The following TMIGD3 variants were observed in gnomAD, a reference collection of about 807,000 sequenced individuals.
TMIGD3 encodes the protein transmembrane and immunoglobulin domain containing 3.
In TMIGD3, 21 loss-of-function variants were observed where a neutral mutation model predicts 28.1. The ratio of observed to expected loss-of-function variants is 0.75; its 90% confidence interval spans 0.53 to 1.08. TMIGD3 has a LOEUF of 1.08. Among genes scored for constraint, TMIGD3 ranks in the 50% least tolerant of loss-of-function variants. The pLI is 0.00. For missense variants in TMIGD3, 416 were observed against 435.6 expected (o/e 0.96, Z 0.40); for synonymous variants, 151 against 162.1 (o/e 0.93, Z 0.52).
chr1:111,519,008 G>A (rs1449367766), intron 1 of TMIGD3, among the ~76,000 whole-genome samples: 1 of 152,126 alleles, frequency 6.6e-6, no homozygotes, highest in African/African-American at 2.4e-5. Flanking sequence ...CCGTGATCTT[G>A]ACTCACCGCA....
intron 1 of TMIGD3, among the ~76,000 whole-genome samples, chr1:111,527,267 C>A (rs1029125814): frequency 6.6e-6 from 1 of 152,104 alleles, no homozygotes; most frequent in Non-Finnish European, 1.5e-5. Flanking sequence ...CTGCCTTGGC[C>A]TCCCAAAGTG....
intron 1 of TMIGD3, among the ~76,000 whole-genome samples, chr1:111,548,241 A>C (rs961661304): frequency 1.7e-4 from 26 of 152,130 alleles, no homozygotes; most frequent in Admixed American, 1.0e-3. Context: ...GACTGGTCTC[A>C]AACTCCTGGC....
At chr1:111,542,461 G>A (rs1357916461) in intron 1 of TMIGD3, 6 of 197,458 alleles carry the variant, frequency 3.0e-5, no homozygotes, top group Non-Finnish European at 5.3e-5. Flanking sequence ...GTCGAGGGCC[G>A]TGTAGGAGTT....
At chr1:111,532,013 C>T (rs1409862509) in intron 1 of TMIGD3, among the ~76,000 whole-genome samples, 1 of 152,212 alleles carries the variant, frequency 6.6e-6, no homozygotes, top group Non-Finnish European at 1.5e-5. Context: ...ACCACTGAGA[C>T]AATACCTAAG....
chr1:111,535,422 C>T (rs1407421292), intron 1 of TMIGD3, among the ~76,000 whole-genome samples: 3 of 152,206 alleles, frequency 2.0e-5, no homozygotes, highest in African/African-American at 7.2e-5. Flanking sequence ...ATGCTGTAAG[C>T]AGCGGGCATG....
Position 111,537,270 on chromosome 1 carries a change from T to A in TMIGD3, c.107+26576A>T, listed in dbSNP as rs563960485. Among the ~76,000 whole-genome samples the A allele has an allele frequency of 2.6e-5, 4 of 152,352 alleles. No homozygotes were observed. In the South Asian group the frequency reaches 8.3e-4, roughly 32 times the overall value. ...ATTGCTGTATGCCTATTTGTTCACC[T>A]GGATTCTGAGCTTTCTGAACATAGG... On this transcript the variant is annotated intron_variant, in intron 1 of 5. Transcript: ENST00000369717.
At position 111,502,177 on chromosome 1, in the gene TMIGD3, TATATAGGATATATATATTATAATAA is replaced by T. The variant is rs1414903738; in HGVS notation, c.350+803_350+827del. On this transcript the variant is annotated intron_variant, in intron 1 of 5. Coordinates refer to ENST00000369716, the MANE Select transcript of TMIGD3 (RefSeq NM_020683.7). ...TAGGATATATATTTATTATAATAAA[TATATAGGATATATATATTATAATAA>T]ATATATAGGATATATATTTATTATA... Among the ~76,000 whole-genome samples, 376 of 52,760 alleles carry T rather than the reference TATATAGGATATATATATTATAATAA, an allele frequency of 7.1e-3. 11 individuals are homozygous for T. The highest frequency in any genetic ancestry group is 0.01 in the South Asian group (18 of 1,730). The allele number at this position is 52,760 out of a possible 152,430, so 34.6% of individuals were successfully genotyped here.
chr1:111,551,198 A>T (rs1313019526), intron 1 of TMIGD3, among the ~76,000 whole-genome samples: 1 of 152,158 alleles, frequency 6.6e-6, no homozygotes, highest in Non-Finnish European at 1.5e-5. Context: ...TCATTCTTCT[A>T]ACCTCTGCCT....
intron 1 of TMIGD3, among the ~76,000 whole-genome samples, chr1:111,496,927 T>C (rs1438928496): frequency 6.6e-6 from 1 of 152,200 alleles, no homozygotes; most frequent in Non-Finnish European, 1.5e-5. Context: ...TAAACCCAGT[T>C]GCTCAACATC....
intron 1 of TMIGD3, among the ~76,000 whole-genome samples, chr1:111,516,132 C>A (rs868422324): frequency 1.0e-3 from 154 of 152,368 alleles, no homozygotes; most frequent in African/African-American, 3.5e-3. Flanking sequence ...GGGCCGCGGT[C>A]CAGGGCAGAC....
chr1:111,541,772 G>C (rs1656836178), intron 1 of TMIGD3, among the ~76,000 whole-genome samples: 1 of 152,160 alleles, frequency 6.6e-6, no homozygotes, highest in Non-Finnish European at 1.5e-5. Flanking sequence ...GACAGGGGAC[G>C]AGGGGCCCGT....
chr1:111,531,871 C>T (rs1285891905), intron 1 of TMIGD3, among the ~76,000 whole-genome samples: 1 of 151,958 alleles, frequency 6.6e-6, no homozygotes, highest in Non-Finnish European at 1.5e-5. Flanking sequence ...TATTTATAAG[C>T]TTTGTTTTGG....
At chr1:111,529,470 C>T (rs1341859452) in intron 1 of TMIGD3, among the ~76,000 whole-genome samples, 1 of 149,690 alleles carries the variant, frequency 6.7e-6, no homozygotes, top group South Asian at 2.1e-4. Flanking sequence ...AGCAGATAAA[C>T]AAGTGAACAA....
intron 1 of TMIGD3, among the ~76,000 whole-genome samples, chr1:111,552,396 T>G (rs1657302426): frequency 6.6e-6 from 1 of 152,236 alleles, no homozygotes; most frequent in Non-Finnish European, 1.5e-5. Flanking sequence ...CTATTTTTCC[T>G]GAATACGTGT....
chr1:111,528,442 G>A lies in TMIGD3; in HGVS notation c.107+35404C>T, dbSNP rs191354478. The stretch of plus-strand genomic sequence containing the variant: ...GCTTTATAGTGAGTCTTGAAGTCAG[G>A]TAGTATCAGTCCTCTGACTTTGTTC... On this transcript the variant is annotated intron_variant, in intron 1 of 5. Coordinates refer to the TMIGD3 transcript ENST00000369717. Among the ~76,000 whole-genome samples, 19 of 152,276 alleles carry A rather than the reference G, an allele frequency of 1.2e-4. No homozygotes were observed. In the East Asian group the frequency reaches 3.5e-3, roughly 28 times the overall value.
chr1:111,499,790 T>C, intron 1 of TMIGD3: 1 of 1,458,402 alleles, frequency 6.9e-7, no homozygotes, highest in East Asian at 2.4e-5. Context: ...AAGAGAGTAG[T>C]GGAGTGGGGG....
chr1:111,543,197 A>G lies in TMIGD3; in HGVS notation c.107+20649T>C, dbSNP rs546181108. On this transcript the variant is annotated intron_variant, in intron 1 of 5. Coordinates refer to the TMIGD3 transcript ENST00000369717. ...AACTATGAAGTATAGTTTTTAGAAT[A>G]TTTTCACTGATGAAAGATCAAACTA... Among the ~76,000 whole-genome samples the G allele has an allele frequency of 8.5e-5, 13 of 152,156 alleles. No homozygotes were observed. In the South Asian group the frequency reaches 1.0e-3, roughly 12 times the overall value.
At chr1:111,547,279 T>G (rs1020169143) in intron 1 of TMIGD3, among the ~76,000 whole-genome samples, 21 of 152,072 alleles carry the variant, frequency 1.4e-4, no homozygotes, top group African/African-American at 4.8e-4. Flanking sequence ...CTTTTTCTGG[T>G]CTGGTGTGTT....
rs571705798 is a variant in TMIGD3 at position 111,492,660 on chromosome 1, A to G, written c.351-1898T>C. Among the ~76,000 whole-genome samples, 127 of 152,088 alleles carry G rather than the reference A, an allele frequency of 8.4e-4. 1 individual carries two copies. The highest frequency in any genetic ancestry group is 1.6e-4 in the Non-Finnish European group (11 of 67,990). On this transcript the variant is annotated intron_variant, in intron 1 of 5. Transcript: ENST00000369716. The stretch of plus-strand genomic sequence containing the variant: ...GAAACCCCATCTCTACTATAAATAC[A>G]AAAATTAGCCAGGCGTGGTGGTGCG...
Sources: gnomAD v4.1 joint callset for allele counts (sites outside exome capture counted in the v4.1 genomes callset) on GRCh38, gnomAD v4.1.1 for gene constraint, MANE v1.5 for transcripts, NCBI Gene and HGNC (gene_info 2026-07-23, HGNC 2026-07-21) for gene names.